The following TOM1L1 variants were observed in gnomAD, a reference collection of about 807,000 sequenced individuals.
TOM1L1 encodes target of myb1 like 1 membrane trafficking protein, also known as TOM1-like protein 1.
TOM1L1 carries 64 observed loss-of-function variants against 63.4 expected under a neutral mutation model. That is an observed-to-expected ratio of 1.01 (90% CI 0.83 to 1.24). The LOEUF is 1.24. Among genes scored for constraint, TOM1L1 ranks in the 50% most tolerant of loss-of-function variants. The pLI is 0.00. For synonymous variants in TOM1L1, 166 were observed against 194.4 expected (o/e 0.85, Z 1.22); for missense variants, 536 against 567.0 (o/e 0.95, Z 0.55).
At chr17:54,938,358 G>T (rs943431589) in intron 10 of TOM1L1, among the ~76,000 whole-genome samples, 1 of 151,988 alleles carries the variant, frequency 6.6e-6, no homozygotes, top group Non-Finnish European at 1.5e-5. Flanking sequence ...GCCGGGAGTG[G>T]TGGTGGGCGC....
In TOM1L1 at chr17:54,900,852, C is replaced by T. The variant is rs1356074230; in HGVS notation, c.-14C>T. ...TGGAGGCGGATTTCCTGGGCCCGGC[C>T]CTCTGGCGCTACCATGGCGTTTGGC... On this transcript the variant is annotated 5_prime_UTR_variant, in exon 1 of 16. Coordinates refer to ENST00000575882, the MANE Select transcript of TOM1L1 (RefSeq NM_005486.3). 1.1e-5 allele frequency: 17 copies of T among 1,613,122 alleles called. No homozygotes were observed. Among genetic ancestry groups the T allele is most frequent in the Non-Finnish European group, 1.4e-5 (17 of 1,180,016 alleles).
At chr17:54,925,538 CA>C (rs1476646254) in intron 7 of TOM1L1, among the ~76,000 whole-genome samples, 1 of 152,170 alleles carries the variant, frequency 6.6e-6, no homozygotes, top group Admixed American at 6.5e-5. Flanking sequence ...AGCCTCCACT[CA>C]AAAATTTCTT....
rs773964226 is a variant in TOM1L1 at position 54,950,071 on chromosome 17, C to T, written c.1315C>T (p.Pro439Ser). 5.6e-6 allele frequency: 9 copies of T among 1,614,008 alleles called. No individual in the cohort carries two copies. Among genetic ancestry groups the T allele is most frequent in the South Asian group, 2.2e-5 (2 of 91,052 alleles). Residue 439 changes from proline (P) to serine (S), a missense_variant, in exon 14 of 16, where the codon CCT (proline) becomes TCT (serine). Physicochemically the swap from Pro to Ser is moderately conservative, Grantham distance 74. Coordinates refer to ENST00000575882, the MANE Select transcript of TOM1L1 (RefSeq NM_005486.3). ...GATGACAAAAAGTGATCTCCAGCCA[C>T]CTAATTACTACGAGGTAATGGAGTT... The part of the protein sequence containing the change: ...PAMTKSDLQP[P>S]NYYEVMEFDP...
At chr17:54,914,086 T>C (rs1382040744) in intron 5 of TOM1L1, among the ~76,000 whole-genome samples, 1 of 152,228 alleles carries the variant, frequency 6.6e-6, no homozygotes, top group Non-Finnish European at 1.5e-5. Flanking sequence ...GTTTGGCATG[T>C]TCCACCCTAG....
At chr17:54,958,582 T>A (rs1006708801) in intron 14 of TOM1L1, among the ~76,000 whole-genome samples, 7 of 151,984 alleles carry the variant, frequency 4.6e-5, no homozygotes, top group Non-Finnish European at 7.4e-5. Context: ...AATACAAAAA[T>A]TAGCCAGGCG....
At position 54,913,903 on chromosome 17, in the gene TOM1L1, C is replaced by G. The variant is rs778432821; in HGVS notation, c.498+30C>G. The G allele has an allele frequency of 1.1e-5, 18 of 1,589,120 alleles. No homozygotes were observed. The South Asian group carries it at 2.0e-4, about 18-fold the overall frequency. On this transcript the variant is annotated intron_variant, in intron 5 of 15. Coordinates refer to ENST00000575882, the MANE Select transcript of TOM1L1 (RefSeq NM_005486.3). Reference sequence around the variant, plus strand: ...GAGGCCTTTCTTTGACCCATGGAGACTATAGTAGTGTATCACTTGGGTCTT... The same window carrying G: ...GAGGCCTTTCTTTGACCCATGGAGAGTATAGTAGTGTATCACTTGGGTCTT...
At chr17:54,919,275 G>A (rs147233161) in intron 7 of TOM1L1, among the ~76,000 whole-genome samples, 7 of 152,202 alleles carry the variant, frequency 4.6e-5, no homozygotes, top group South Asian at 4.1e-4. Flanking sequence ...CAAAGTAAAC[G>A]GATATGTGGC....
At position 54,939,966 on chromosome 17, in the gene TOM1L1, T is replaced by C. The variant is rs186366166; in HGVS notation, c.1130+946T>C. Among the ~76,000 whole-genome samples the C allele has an allele frequency of 2.2e-4, 34 of 152,338 alleles. 1 individual carries two copies. The highest frequency in any genetic ancestry group is 7.5e-4 in the African/African-American group (31 of 41,582). ...GTAAGTAGCAAGTCTGATGGACTGA[T>C]AGTCCAATATTAAAATTGGACTAAT... On this transcript the variant is annotated intron_variant, in intron 11 of 15. Coordinates refer to ENST00000575882, the MANE Select transcript of TOM1L1 (RefSeq NM_005486.3).
chr17:54,918,000 G>A (rs1461147318), intron 7 of TOM1L1, among the ~76,000 whole-genome samples: 4 of 152,184 alleles, frequency 2.6e-5, no homozygotes, highest in Non-Finnish European at 4.4e-5. Flanking sequence ...GAGAGAAGGG[G>A]CATGAGCAGG....
In TOM1L1 at chr17:54,905,549, A is replaced by C; in HGVS notation, c.204A>C (p.Glu68Asp). Residue 68 changes from glutamate to aspartate, a missense_variant, in exon 3 of 16, where the codon GAA becomes GAC. Coordinates refer to ENST00000575882, the MANE Select transcript of TOM1L1 (RefSeq NM_005486.3). ...TTTCCAAAAACTACAATCATAAAGA[A>C]ATCCAACTTACCTTGTCAGTAAGTA... The part of the protein sequence containing the change: ...KRISKNYNHK[E>D]IQLTLSLIDM... The C allele has an allele frequency of 1.2e-6, 2 of 1,603,650 alleles. No individual in the cohort carries two copies. Among genetic ancestry groups the C allele is most frequent in the African/African-American group, 2.7e-5 (2 of 74,766 alleles).
chr17:54,943,704 C>T (rs1450407955), intron 11 of TOM1L1, among the ~76,000 whole-genome samples: 4 of 152,094 alleles, frequency 2.6e-5, no homozygotes, highest in African/African-American at 7.2e-5. Context: ...CTGGGCCGGG[C>T]GCAGTGGCTC....
intron 4 of TOM1L1, 64 bp from the exon 5 acceptor site, chr17:54,913,684 A>AG: frequency 7.0e-7 from 1 of 1,424,488 alleles, no homozygotes; most frequent in South Asian, 1.3e-5. Context: ...AAAAAAAAAA[A>AG]AGAATTGTGT....
At chr17:54,928,228 T>A (rs189985683) in intron 7 of TOM1L1, among the ~76,000 whole-genome samples, 8 of 152,262 alleles carry the variant, frequency 5.3e-5, no homozygotes, top group Admixed American at 2.0e-4. Context: ...TGACACCCTG[T>A]CAAGCACCCA....
rs2048699733 is a variant in TOM1L1 at position 54,922,428 on chromosome 17, G to T, written c.720+6566G>T. Among the ~76,000 whole-genome samples, 5 of 152,174 alleles carry T rather than the reference G, an allele frequency of 3.3e-5. No homozygotes were observed. In the South Asian group the frequency reaches 1.0e-3, roughly 32 times the overall value. ...TTGAGACCAGCCTGGGCAACATAGT[G>T]AGACTCTGTTGCTACAAAAAATAAA... On this transcript the variant is annotated intron_variant, in intron 7 of 15. Transcript: ENST00000575882.
At chr17:54,949,494 G>T in intron 12 of TOM1L1, 24 bp from the exon 13 acceptor site, 1 of 1,561,844 alleles carries the variant, frequency 6.4e-7, no homozygotes, top group South Asian at 1.1e-5. Context: ...ACGTTTATAT[G>T]AACATGTGTT....
At chr17:54,943,802 C>A (rs1291496817) in intron 11 of TOM1L1, among the ~76,000 whole-genome samples, 1 of 151,704 alleles carries the variant, frequency 6.6e-6, no homozygotes, top group Non-Finnish European at 1.5e-5. Context: ...TACGGTGAAA[C>A]CCTGTCTCTA....
At position 54,905,543 on chromosome 17, in the gene TOM1L1, T is replaced by C. The variant is rs769865273; in HGVS notation, c.198T>C (p.His66=). 2 of 1,609,600 alleles carry C rather than the reference T, an allele frequency of 1.2e-6. No homozygotes were observed. Among genetic ancestry groups the C allele is most frequent in the Admixed American group, 3.3e-5 (2 of 59,702 alleles). Reference sequence around the variant, plus strand: ...AAAGGATTTCCAAAAACTACAATCATAAAGAAATCCAACTTACCTTGTCAG... The same window carrying C: ...AAAGGATTTCCAAAAACTACAATCACAAAGAAATCCAACTTACCTTGTCAG... ...LKKRISKNYN[H]KEIQLTLSLI... Residue 66 remains histidine, a synonymous_variant, in exon 3 of 16, where the codon CAT becomes CAC. Transcript: ENST00000575882.
intron 3 of TOM1L1, among the ~76,000 whole-genome samples, chr17:54,906,945 G>A (rs968365074): frequency 5.3e-5 from 8 of 152,178 alleles, no homozygotes; most frequent in South Asian, 2.1e-4. Context: ...ATCACGCTGC[G>A]TTAGGAGCAT....
intron 6 of TOM1L1, 22 bp from the exon 7 acceptor site, chr17:54,915,724 G>A: frequency 6.6e-7 from 1 of 1,521,724 alleles, no homozygotes; most frequent in Non-Finnish European, 8.9e-7. Context: ...GCACTGACTG[G>A]TGATTGTGTT....
Sources: allele counts gnomAD v4.1 joint callset (sites outside exome capture counted in the v4.1 genomes callset), GRCh38; gene constraint gnomAD v4.1.1; transcripts MANE v1.5; gene names NCBI Gene and HGNC (gene_info 2026-07-23, HGNC 2026-07-21).